Variants in TRPC6 observed in about 807,000 individuals in gnomAD.
The protein encoded by TRPC6 is short transient receptor potential channel 6.
In TRPC6, 55 loss-of-function variants were observed where a neutral mutation model predicts 90.7. That is an observed-to-expected ratio of 0.61 (90% CI 0.49 to 0.76). The LOEUF is 0.76. Ranked by LOEUF, TRPC6 falls within the 30% of genes least tolerant of loss-of-function variation. The pLI is 0.00. For missense variants in TRPC6, 989 were observed against 1,122.7 expected (o/e 0.88, Z 1.70); for synonymous variants, 393 against 393.0 (o/e 1.00, Z 0.00).
At chr11:101,565,267 G>C (rs1313985385) in intron 1 of TRPC6, among the ~76,000 whole-genome samples, 1 of 151,982 alleles carries the variant, frequency 6.6e-6, no homozygotes, top group South Asian at 2.1e-4. Context: ...ATGAAAAGAA[G>C]TGTTCAAAAC....
intron 1 of TRPC6, among the ~76,000 whole-genome samples, chr11:101,517,774 C>T (rs2136770467): frequency 1.3e-5 from 2 of 152,230 alleles, no homozygotes; most frequent in Non-Finnish European, 2.9e-5. Flanking sequence ...AACTAACTTG[C>T]CCAATGTTAA....
At chr11:101,540,755 T>A (rs1013567408) in intron 1 of TRPC6, among the ~76,000 whole-genome samples, 1 of 152,224 alleles carries the variant, frequency 6.6e-6, no homozygotes, top group Non-Finnish European at 1.5e-5. Context: ...TAAAGAAAGA[T>A]GAGTTAAAAA....
At chr11:101,583,235 G>T in intron 1 of TRPC6, 99 bp downstream of exon 1, 6 of 1,483,252 alleles carry the variant, frequency 4.0e-6, no homozygotes, top group Non-Finnish European at 5.4e-6. Context: ...TACACACGCG[G>T]GTTCAGGACG....
At position 101,500,620 on chromosome 11, in the gene TRPC6, T is replaced by C. The variant is rs532783543; in HGVS notation, c.945+3404A>G. Among the ~76,000 whole-genome samples, 15 of 152,234 alleles carry C rather than the reference T, an allele frequency of 9.9e-5. No homozygotes were observed. The South Asian group carries it at 2.1e-3, about 21-fold the overall frequency. ...AGTATTTTCAATATCCAGAGCCTTT[T>C]AGCAAGAGGAAATGAAACAAATTCT... On this transcript the variant is annotated intron_variant, in intron 2 of 12. Coordinates refer to ENST00000344327, the MANE Select transcript of TRPC6 (RefSeq NM_004621.6).
intron 1 of TRPC6, among the ~76,000 whole-genome samples, chr11:101,557,814 G>A (rs569710562): frequency 1.3e-5 from 2 of 152,164 alleles, no homozygotes; most frequent in African/African-American, 4.8e-5. Context: ...AACCAAGGAG[G>A]TGACTGTCTT....
rs184739781 is a variant in TRPC6 at position 101,501,268 on chromosome 11, A to T, written c.945+2756T>A. Among the ~76,000 whole-genome samples the T allele has an allele frequency of 4.5e-3, 682 of 151,352 alleles. 19 individuals carry two copies. The highest frequency in any genetic ancestry group is 0.016 in the African/African-American group (642 of 41,248). Reference sequence around the variant, plus strand: ...GGAGTTGACTATTTAAAAAGATTTTAAAAAAAAAGACTGAAAGGATATGTG... The same window carrying T: ...GGAGTTGACTATTTAAAAAGATTTTTAAAAAAAAGACTGAAAGGATATGTG... On this transcript the variant is annotated intron_variant, in intron 2 of 12. Transcript: ENST00000344327.
intron 1 of TRPC6, among the ~76,000 whole-genome samples, chr11:101,523,440 A>T (rs996331870): frequency 6.6e-6 from 1 of 152,210 alleles, no homozygotes; most frequent in Non-Finnish European, 1.5e-5. Flanking sequence ...CATTTCTAAG[A>T]TATATGAGAA....
rs200869151 is a variant in TRPC6, at chr11:101,491,833, A to ATTT, written c.946-96_946-95insAAA. The ATTT allele has an allele frequency of 5.4e-3, 4,179 of 777,824 alleles. 25 individuals carry two copies. Among genetic ancestry groups the ATTT allele is most frequent in the Middle Eastern group, 0.014 (32 of 2,330 alleles). 48.2% of individuals were successfully genotyped at this position (777,824 alleles called of 1,614,324 possible). ...AAGGATTTTATACTTTAAGAGAAACATTCTTTTTTTTTTTTTTTTTTTTTT... is the reference window on the plus strand; with the variant it reads ...AAGGATTTTATACTTTAAGAGAAACATTTTTCTTTTTTTTTTTTTTTTTTTTTT... On this transcript the variant is annotated intron_variant, in intron 2 of 12. Transcript: ENST00000344327.
chr11:101,540,968 T>C (rs1861155288), intron 1 of TRPC6, among the ~76,000 whole-genome samples: 1 of 152,220 alleles, frequency 6.6e-6, no homozygotes, highest in Admixed American at 6.5e-5. Flanking sequence ...AAAGAGTATT[T>C]TGAAACTTGC....
At chr11:101,526,298 T>C (rs1313033346) in intron 1 of TRPC6, among the ~76,000 whole-genome samples, 1 of 152,184 alleles carries the variant, frequency 6.6e-6, no homozygotes, top group African/African-American at 2.4e-5. Flanking sequence ...AGTGTCGATA[T>C]CCATGCGAAA....
At chr11:101,582,278 A>T (rs1862214227) in intron 1 of TRPC6, among the ~76,000 whole-genome samples, 1 of 152,170 alleles carries the variant, frequency 6.6e-6, no homozygotes, top group African/African-American at 2.4e-5. Context: ...GAGGCTGGGC[A>T]GCCCTGACAC....
chr11:101,468,981 G>A (rs1859219176), intron 10 of TRPC6, among the ~76,000 whole-genome samples: 1 of 152,116 alleles, frequency 6.6e-6, no homozygotes, highest in Admixed American at 6.6e-5. Flanking sequence ...AGAGTACATT[G>A]TTCATTATAC....
At chr11:101,493,193 GGAA>G (rs1304637984) in intron 2 of TRPC6, among the ~76,000 whole-genome samples, 4 of 152,122 alleles carry the variant, frequency 2.6e-5, no homozygotes, top group African/African-American at 4.8e-5. Context: ...GGGCCACATT[GGAA>G]GAAGAATTGT....
intron 2 of TRPC6, among the ~76,000 whole-genome samples, chr11:101,503,783 G>A (rs890873534): frequency 1.3e-5 from 2 of 152,154 alleles, no homozygotes; most frequent in Non-Finnish European, 2.9e-5. Context: ...AGCTTCTCAA[G>A]GGGAACGGAT....
intron 1 of TRPC6, among the ~76,000 whole-genome samples, chr11:101,511,677 CA>C: frequency 6.6e-6 from 1 of 152,004 alleles, no homozygotes; most frequent in Non-Finnish European, 1.5e-5. Flanking sequence ...GATCCAGAAG[CA>C]GAGATTTTCT....
intron 1 of TRPC6, among the ~76,000 whole-genome samples, chr11:101,508,356 A>C (rs1321394882): frequency 6.6e-6 from 1 of 152,170 alleles, no homozygotes; most frequent in Non-Finnish European, 1.5e-5. Context: ...AACTAGAGTG[A>C]GCCTAATGTT....
At chr11:101,548,250 C>CATATATAT (rs1491446189) in intron 1 of TRPC6, among the ~76,000 whole-genome samples, 2 of 56,160 alleles carry the variant, frequency 3.6e-5, no homozygotes, top group African/African-American at 1.7e-4. Context: ...AGAACTAGAT[C>CATATATAT]ATATATATAT....
intron 1 of TRPC6, among the ~76,000 whole-genome samples, chr11:101,566,444 T>C (rs1489745930): frequency 6.6e-6 from 1 of 152,236 alleles, no homozygotes; most frequent in Non-Finnish European, 1.5e-5. Flanking sequence ...AAAAAAGATG[T>C]ATCCCCATAG....
At chr11:101,509,277 T>G (rs1860345130) in intron 1 of TRPC6, among the ~76,000 whole-genome samples, 1 of 151,982 alleles carries the variant, frequency 6.6e-6, no homozygotes, top group Non-Finnish European at 1.5e-5. Context: ...TTTTGTATTT[T>G]TTTTATAGAT....
Sources: gnomAD v4.1 joint callset for allele counts (sites outside exome capture counted in the v4.1 genomes callset) on GRCh38, gnomAD v4.1.1 for gene constraint, MANE v1.5 for transcripts, NCBI Gene and HGNC (gene_info 2026-07-23, HGNC 2026-07-21) for gene names.